The following CLIC2 variants were observed in gnomAD, a reference collection of about 807,000 sequenced individuals.
The protein encoded by CLIC2 is chloride intracellular channel protein 2.
A neutral mutation model predicts 14.8 loss-of-function variants in CLIC2; 9 were observed. The ratio of observed to expected loss-of-function variants is 0.61; its 90% CI spans 0.37 to 1.06. The LOEUF is 1.06. Ranked by LOEUF, CLIC2 falls within the 50% of genes least tolerant of loss-of-function variation. The pLI, the probability that CLIC2 is intolerant of heterozygous loss-of-function variation, is 0.01. For missense variants in CLIC2, 148 were observed against 181.4 expected (o/e 0.82, Z 1.06); for synonymous variants, 61 against 66.3 (o/e 0.92, Z 0.39).
chrX:155,320,294 C>T (rs2075109755), intron 1 of CLIC2, among the ~76,000 whole-genome samples: 2 of 112,069 alleles, frequency 1.8e-5, no homozygotes, highest in Non-Finnish European at 3.8e-5. Context: ...TCGACAGACC[C>T]CTCATACAAG....
At chrX:155,323,434 A>T (rs1300175979) in intron 1 of CLIC2, among the ~76,000 whole-genome samples, 1 of 112,296 alleles carries the variant, frequency 8.9e-6, no homozygotes, top group Non-Finnish European at 1.9e-5. Context: ...CAAAAACCAC[A>T]TTATTGTCTC....
At chrX:155,287,119 A>C (rs991753795) in intron 3 of CLIC2, among the ~76,000 whole-genome samples, 1 of 111,739 alleles carries the variant, frequency 8.9e-6, no homozygotes, top group African/African-American at 3.3e-5. Context: ...TTAAGTCTTT[A>C]ATCCATCTTG....
At position 155,277,830 on chromosome X, in the gene CLIC2, G is replaced by A. The variant is rs182836630; in HGVS notation, c.*73C>T. ...AACAGTATTTTTCATATTCTTATTT[G>A]CAAAAACCTTTCTAATATGTCAATA... On this transcript the variant is annotated 3_prime_UTR_variant, in exon 6 of 6. Coordinates refer to ENST00000369449, the MANE Select transcript of CLIC2 (RefSeq NM_001289.6). 2.4e-4 allele frequency: 223 copies of A among 942,012 alleles called. No homozygotes were observed. In the African/African-American group the frequency reaches 3.9e-3, roughly 17 times the overall value. The allele number at this position is 942,012 out of a possible 1,213,427, so 77.6% of individuals were successfully genotyped here. A position where few individuals can be genotyped will look rare whatever the true frequency, so the allele number is the denominator to read the frequency against.
intron 3 of CLIC2, among the ~76,000 whole-genome samples, chrX:155,280,518 C>T (rs1052612049): frequency 1.9e-4 from 21 of 110,683 alleles, no homozygotes; most frequent in Non-Finnish European, 3.8e-4. Context: ...CATGGTGAAA[C>T]CTTGTCTCTA....
chrX:155,298,629 T>C (rs1557318606), intron 3 of CLIC2, among the ~76,000 whole-genome samples, 156 bp downstream of exon 3: 1 of 112,536 alleles, frequency 8.9e-6, no homozygotes. Context: ...TCTTTTTGTA[T>C]TTGAAGTTGG....
intron 1 of CLIC2, among the ~76,000 whole-genome samples, chrX:155,326,035 G>A (rs1557322298): frequency 1.9e-5 from 2 of 107,528 alleles, no homozygotes; most frequent in African/African-American, 6.8e-5. Flanking sequence ...AGGGGTGGGG[G>A]AGTGAAGATA....
rs1469618027 is a variant in CLIC2, at chrX:155,300,560, G to A, written c.58-1415C>T. 5.4e-5 allele frequency among the ~76,000 whole-genome samples: 6 copies of A among 111,254 alleles called. No homozygotes were observed. In the Admixed American group the frequency reaches 5.7e-4, roughly 11 times the overall value. On this transcript the variant is annotated intron_variant, in intron 1 of 5. Transcript: ENST00000369449. ...GACTCTGATGGTAGTTTCTTTTGCT[G>A]TGCAGAAGCTCTTTAGTTGAATTAG...
Position 155,299,098 on chromosome X carries a change from G to C in CLIC2, c.105C>G (p.Arg35=). ...CTTTAAGCCAGAGGATCATGAAAAG[G>C]CGTTGGCAAAAGGGACAGTTTCCAA... ...ESIGNCPFCQ[R]LFMILWLKGV... The change falls in exon 2 of 6, where the codon CGC becomes CGG. Residue 35 remains arginine, a synonymous_variant. Coordinates refer to ENST00000369449, the MANE Select transcript of CLIC2 (RefSeq NM_001289.6). 1 of 1,210,286 alleles carries C rather than the reference G, an allele frequency of 8.3e-7. No homozygotes were observed. The highest frequency in any genetic ancestry group is 3.0e-5 in the East Asian group (1 of 33,824).
intron 1 of CLIC2, among the ~76,000 whole-genome samples, chrX:155,299,454 T>A (rs1432945342): frequency 9.0e-6 from 1 of 111,570 alleles, no homozygotes; most frequent in African/African-American, 3.3e-5. Context: ...AACAAACATT[T>A]CTGGGCATAT....
chrX:155,294,878 T>C (rs113978039), intron 3 of CLIC2, among the ~76,000 whole-genome samples: 12 of 111,455 alleles, frequency 1.1e-4, no homozygotes, highest in African/African-American at 3.9e-4. Context: ...ATTGAGTCAG[T>C]AATAAAAAAG....
chrX:155,333,721 T>C (rs1382464004), intron 1 of CLIC2, among the ~76,000 whole-genome samples: 2 of 106,234 alleles, frequency 1.9e-5, no homozygotes, highest in Non-Finnish European at 3.9e-5. Context: ...TCTGAAAAGT[T>C]GACATGTTAA....
intron 1 of CLIC2, among the ~76,000 whole-genome samples, chrX:155,328,574 CCAAAG>C (rs1354518487): frequency 4.5e-5 from 5 of 110,244 alleles, no homozygotes; most frequent in Non-Finnish European, 9.5e-5. Flanking sequence ...TCCATAGTAC[CCAAAG>C]CAATCTATAG....
intron 1 of CLIC2, among the ~76,000 whole-genome samples, chrX:155,315,387 C>T (rs1426167325): frequency 8.9e-6 from 1 of 111,780 alleles, no homozygotes; most frequent in Admixed American, 9.5e-5. Context: ...TAAAGGAAAA[C>T]CTATCAGAGT....
At chrX:155,293,414 A>C in intron 3 of CLIC2, 1 of 757,241 alleles carries the variant, frequency 1.3e-6, no homozygotes, top group Non-Finnish European at 2.1e-6. Context: ...AATAGTGGCC[A>C]TCCTTCTTGC....
chrX:155,319,303 C>G (rs1450514966), intron 1 of CLIC2, among the ~76,000 whole-genome samples: 1 of 80,516 alleles, frequency 1.2e-5, no homozygotes, highest in Non-Finnish European at 2.6e-5. Context: ...GTCTGCAGCT[C>G]CCAGCGAGAT....
intron 1 of CLIC2, among the ~76,000 whole-genome samples, chrX:155,302,159 A>G (rs1557319213): frequency 9.3e-6 from 1 of 107,475 alleles, no homozygotes. Context: ...GAATGGTACC[A>G]GTTCCTCCTT....
chrX:155,288,570 T>C (rs1417362217), intron 3 of CLIC2, among the ~76,000 whole-genome samples: 2 of 111,760 alleles, frequency 1.8e-5, no homozygotes, highest in Non-Finnish European at 3.8e-5. Flanking sequence ...GCAACACAGC[T>C]CCAGGATTCT....
chrX:155,317,181 C>G lies in CLIC2; in HGVS notation c.57+17190G>C, dbSNP rs782548879. On this transcript the variant is annotated intron_variant, in intron 1 of 5. Coordinates refer to ENST00000369449, the MANE Select transcript of CLIC2 (RefSeq NM_001289.6). ...TGAAGAAACAAAAGCAATCCAAACCCAAACCCAGCAGAAGAAAAGAAATAA... is the reference window on the plus strand; with the variant it reads ...TGAAGAAACAAAAGCAATCCAAACCGAAACCCAGCAGAAGAAAAGAAATAA... Among the ~76,000 whole-genome samples, 19 of 111,531 alleles carry G rather than the reference C, an allele frequency of 1.7e-4. No individual in the cohort carries two copies. In the Admixed American group the frequency reaches 1.7e-3, roughly 10 times the overall value.
intron 1 of CLIC2, among the ~76,000 whole-genome samples, chrX:155,305,268 G>C: frequency 8.9e-6 from 1 of 112,199 alleles, no homozygotes; most frequent in Non-Finnish European, 1.9e-5. Flanking sequence ...CCAGGTGCGG[G>C]ATATGTGGTG....
Sources: allele counts gnomAD v4.1 joint callset (sites outside exome capture counted in the v4.1 genomes callset), GRCh38; gene constraint gnomAD v4.1.1; transcripts MANE v1.5; gene names NCBI Gene and HGNC (gene_info 2026-07-23, HGNC 2026-07-21).